CELSR1: variants seen among roughly 807,000 people sequenced by gnomAD.
CELSR1 encodes cadherin EGF LAG seven-pass G-type receptor 1.
In CELSR1, 110 loss-of-function variants were observed where a neutral mutation model predicts 249.1. The observed-to-expected ratio is 0.44, with a 90% CI of 0.38 to 0.52. The LOEUF is 0.52. CELSR1 is among the 20% of genes least tolerant of loss of function. The probability of loss-of-function intolerance (pLI) is 0.00; values close to 1 mark genes in which losing one functional copy is unlikely to be tolerated. For synonymous variants in CELSR1, 2,113 were observed against 1,900.0 expected (o/e 1.11, Z -2.92); for missense variants, 4,109 against 4,296.4 (o/e 0.96, Z 1.22).
chr22:46,384,560 C>T lies in CELSR1; in HGVS notation c.6866G>A (p.Arg2289Lys), dbSNP rs2079012180. 1.9e-6 allele frequency: 3 copies of T among 1,611,030 alleles called. No individual in the cohort carries two copies. The South Asian group carries it at 3.3e-5, about 18-fold the overall frequency. Residue 2289 changes from arginine (R) to lysine (K), a missense_variant, in exon 20 of 35, where the codon AGA becomes AAA. Transcript: ENST00000674500. ...SSVSFPADFF[R>K]PPEEKEGPLL... ...GGTTTTACCTTTTTCTTCAGGTGGTCTGAAGAAGTCGGCTGGGAAGGAGAC... is the reference window on the plus strand; with the variant it reads ...GGTTTTACCTTTTTCTTCAGGTGGTTTGAAGAAGTCGGCTGGGAAGGAGAC...
intron 2 of CELSR1, among the ~76,000 whole-genome samples, chr22:46,444,064 G>C (rs2079788140): frequency 6.6e-6 from 1 of 152,212 alleles, no homozygotes; most frequent in African/African-American, 2.4e-5. Context: ...TCTGTCCCAG[G>C]TAGTAAGAAC....
Position 46,490,459 on chromosome 22 carries a change from G to T in CELSR1, c.3545-26114C>A, listed in dbSNP as rs745646052. 3.9e-5 allele frequency among the ~76,000 whole-genome samples: 6 copies of T among 151,986 alleles called. No individual in the cohort carries two copies. Among genetic ancestry groups the T allele is most frequent in the Non-Finnish European group, 8.8e-5 (6 of 68,006 alleles). On this transcript the variant is annotated intron_variant, in intron 1 of 34. Coordinates refer to ENST00000674500, the MANE Select transcript of CELSR1 (RefSeq NM_001378328.1). The surrounding 1 kb of genome is among the most constrained non-coding windows in gnomAD (Gnocchi z 5.2). Reference sequence around the variant, plus strand: ...CCACCATCTCGTCTGGCTAATTTTTGTATTTTTAGTAGAGACGGGGTTTCA... The same window carrying T: ...CCACCATCTCGTCTGGCTAATTTTTTTATTTTTAGTAGAGACGGGGTTTCA...
chr22:46,466,872 C>T lies in CELSR1; in HGVS notation c.3545-2527G>A, dbSNP rs181737836. 4.7e-3 allele frequency among the ~76,000 whole-genome samples: 718 copies of T among 152,280 alleles called. 3 individuals are homozygous for T. The highest frequency in any genetic ancestry group is 0.027 in the Middle Eastern group (8 of 294). ...TGATGAGGTGACGAGGGTGGGGCCC[C>T]ACCAGGGGATTTGCATCCTCACAGG... On this transcript the variant is annotated intron_variant, in intron 1 of 34. Transcript: ENST00000674500.
Position 46,488,939 on chromosome 22 carries a change from G to T in CELSR1, c.3545-24594C>A, listed in dbSNP as rs1187960629. ...TTCCCAAAGTGTTGGGATTACAGGC[G>T]GAAGCCACCACGCCCAGCCCAGCCC... On this transcript the variant is annotated intron_variant, in intron 1 of 34. Transcript: ENST00000674500. The surrounding 1 kb of genome is among the most constrained non-coding windows in gnomAD (Gnocchi z 4.7). 6.6e-6 allele frequency among the ~76,000 whole-genome samples: 1 copy of T among 151,488 alleles called. No homozygotes were observed. The highest frequency in any genetic ancestry group is 2.0e-4 in the East Asian group (1 of 5,090).
chr22:46,390,872 T>A lies in CELSR1; in HGVS notation c.6250+314A>T, dbSNP rs1333888277. The stretch of plus-strand genomic sequence containing the variant: ...AGAGTGGACACAGTCAATGTCCCCA[T>A]TTCACAGAGGTAACCCGATGCTATG... On this transcript the variant is annotated intron_variant, in intron 16 of 34. Coordinates refer to ENST00000674500, the MANE Select transcript of CELSR1 (RefSeq NM_001378328.1). This position sits in a 1 kb window ranked among gnomAD's most constrained non-coding sequence, Gnocchi z 6.3. Among the ~76,000 whole-genome samples, 1 of 152,194 alleles carries A rather than the reference T, an allele frequency of 6.6e-6. No homozygotes were observed. The highest frequency in any genetic ancestry group is 1.5e-5 in the Non-Finnish European group (1 of 68,028).
intron 1 of CELSR1, among the ~76,000 whole-genome samples, chr22:46,501,820 G>A (rs769892965): frequency 3.9e-5 from 6 of 152,114 alleles, no homozygotes; most frequent in Non-Finnish European, 5.9e-5. Flanking sequence ...GAGTTCCCCC[G>A]CTGGCACAGT....
intron 5 of CELSR1, among the ~76,000 whole-genome samples, chr22:46,419,310 C>T (rs966702723): frequency 1.3e-5 from 2 of 152,186 alleles, no homozygotes; most frequent in Non-Finnish European, 2.9e-5. Flanking sequence ...GAAAGCAACA[C>T]GTTCCTTCTC....
Position 46,464,081 on chromosome 22 carries a change from A to T in CELSR1, c.3809T>A (p.Val1270Asp), listed in dbSNP as rs1458843720. 6.2e-7 allele frequency: 1 copy of T among 1,613,772 alleles called. No individual in the cohort carries two copies. Among genetic ancestry groups the T allele is most frequent in the East Asian group, 2.2e-5 (1 of 44,870 alleles). Residue 1270 changes from valine to aspartate, a missense_variant, in exon 2 of 35, where the codon GTC becomes GAC. Transcript: ENST00000674500. The surrounding 1 kb of genome is among the most constrained non-coding windows in gnomAD (Gnocchi z 8.5). ...VTFSALLPGG[V>D]RGQFFPSEDL... ...CTCCGACGGGAAGAACTGGCCGCGGACGCCGCCAGGCAGCAGCGCCGAGAA... is the reference window on the plus strand; with the variant it reads ...CTCCGACGGGAAGAACTGGCCGCGGTCGCCGCCAGGCAGCAGCGCCGAGAA...
chr22:46,394,797 T>G (rs1462630810), intron 13 of CELSR1, among the ~76,000 whole-genome samples: 1 of 152,020 alleles, frequency 6.6e-6, no homozygotes, highest in Non-Finnish European at 1.5e-5. Context: ...GCCCGTGCAC[T>G]CGGAATCCAG....
chr22:46,494,818 T>G (rs2080398275), intron 1 of CELSR1, among the ~76,000 whole-genome samples: 1 of 152,246 alleles, frequency 6.6e-6, no homozygotes. Flanking sequence ...TGAATTTCTC[T>G]GAGTAACATT....
Position 46,410,621 on chromosome 22 carries a change from T to C in CELSR1, c.4770-60A>G, listed in dbSNP as rs1569143661. ...GCGGGGAGAGGCGGCCACGGCGGGC[T>C]GGGCTCCGCAGTTGCCTCTGTGTAG... On this transcript the variant is annotated intron_variant, in intron 6 of 34. Transcript: ENST00000674500. The surrounding 1 kb of genome is among the most constrained non-coding windows in gnomAD (Gnocchi z 6.8). The C allele has an allele frequency of 5.7e-6, 9 of 1,575,576 alleles. No individual in the cohort carries two copies. Among genetic ancestry groups the C allele is most frequent in the Non-Finnish European group, 7.8e-6 (9 of 1,150,616 alleles).
At chr22:46,425,676 A>G (rs944458178) in intron 5 of CELSR1, among the ~76,000 whole-genome samples, 1 of 150,942 alleles carries the variant, frequency 6.6e-6, no homozygotes, top group African/African-American at 2.4e-5. Flanking sequence ...CAGTCACGCT[A>G]GAAGTTTTCC....
At position 46,398,561 on chromosome 22, in the gene CELSR1, T is replaced by G; in HGVS notation, c.5489A>C (p.Lys1830Thr). Residue 1830 changes from lysine to threonine, a missense_variant, in exon 11 of 35, where the codon AAG becomes ACG. This residue lies in a region of CELSR1 where 1,805 missense variants were observed against 1,831.6 expected (regional missense o/e 0.99). Coordinates refer to ENST00000674500, the MANE Select transcript of CELSR1 (RefSeq NM_001378328.1). The surrounding 1 kb of genome is among the most constrained non-coding windows in gnomAD (Gnocchi z 7.2). ...SVVVGGASEDKVSVRRGFRGC... is the reference protein window; with the variant it reads ...SVVVGGASEDTVSVRRGFRGC... ...TCGGAATCCACGGCGCACGGAGACC[T>G]TGTCTTCAGAGGCGCCTCCGACCAC... is the stretch of plus-strand genomic sequence containing the variant. 1 of 1,611,894 alleles carries G rather than the reference T, an allele frequency of 6.2e-7. No homozygotes were observed. Among genetic ancestry groups the G allele is most frequent in the Non-Finnish European group, 8.5e-7 (1 of 1,179,218 alleles).
Position 46,535,778 on chromosome 22 carries a change from C to A in CELSR1, c.1393G>T (p.Val465Leu), listed in dbSNP as rs946883875. The change falls in exon 1 of 35, where the codon GTG (valine) becomes TTG (leucine). Residue 465 changes from valine to leucine, a missense_variant. By Grantham distance (32) the Val-to-Leu change is conservative (BLOSUM62 1). Around this residue, in one of 7 missense-constraint regions of CELSR1, gnomAD observed 135 missense variants for 190.0 expected, o/e 0.71. Coordinates refer to ENST00000674500, the MANE Select transcript of CELSR1 (RefSeq NM_001378328.1). ...NYPQFSEQNY[V>L]VQVPEDVGLN... ...CCCACGTCCTCGGGCACCTGGACCACGTAGTTCTGCTCGCTGAACTGGGGG... is the reference window on the plus strand; with the variant it reads ...CCCACGTCCTCGGGCACCTGGACCAAGTAGTTCTGCTCGCTGAACTGGGGG... The A allele has an allele frequency of 2.5e-6, 4 of 1,612,396 alleles. No homozygotes were observed. The highest frequency in any genetic ancestry group is 1.3e-5 in the African/African-American group (1 of 74,944).
rs532532101 is a variant in CELSR1 at position 46,393,869 on chromosome 22, C to T, written c.5964+273G>A. Among the ~76,000 whole-genome samples, 196 of 152,100 alleles carry T rather than the reference C, an allele frequency of 1.3e-3. No homozygotes were observed. Among genetic ancestry groups the T allele is most frequent in the Non-Finnish European group, 2.1e-3 (142 of 68,018 alleles). ...CCATGGGCAGTAGGCCGGGAGGAGG[C>T]AGGGATTCCTGTTCCACGGGCGGGG... On this transcript the variant is annotated intron_variant, in intron 14 of 34. Transcript: ENST00000674500. The surrounding 1 kb of genome is among the most constrained non-coding windows in gnomAD (Gnocchi z 4.1).
At chr22:46,475,658 A>AT (rs1555926085) in intron 1 of CELSR1, among the ~76,000 whole-genome samples, 3 of 75,126 alleles carry the variant, frequency 4.0e-5, no homozygotes, top group Non-Finnish European at 3.2e-5. Flanking sequence ...AAAGAAACGA[A>AT]TGGGGGGGGA....
intron 1 of CELSR1, among the ~76,000 whole-genome samples, chr22:46,523,319 A>G (rs2147797120): frequency 6.6e-6 from 1 of 152,306 alleles, no homozygotes; most frequent in South Asian, 2.1e-4. Flanking sequence ...AGCTGAGGTC[A>G]GGAGCTCGAG....
chr22:46,377,465 C>A (rs2147205744), intron 23 of CELSR1: 1 of 611,340 alleles, frequency 1.6e-6, no homozygotes. Flanking sequence ...GGGCCCTGGG[C>A]ATCCCTGGGG....
In CELSR1 at chr22:46,506,263, A is replaced by G. The variant is rs575531557; in HGVS notation, c.3544+27364T>C. On this transcript the variant is annotated intron_variant, in intron 1 of 34. Transcript: ENST00000674500. The surrounding 1 kb of genome is among the most constrained non-coding windows in gnomAD (Gnocchi z 4.1). ...ATTGCTGGGTTCTGGATGGACATGC[A>G]GAGCACCCGCCATGATCCCTCCAAG... Among the ~76,000 whole-genome samples the G allele has an allele frequency of 6.6e-6, 1 of 152,116 alleles. No individual in the cohort carries two copies. Among genetic ancestry groups the G allele is most frequent in the East Asian group, 1.9e-4 (1 of 5,176 alleles).
Sources: gnomAD v4.1 joint callset for allele counts (sites outside exome capture counted in the v4.1 genomes callset) on GRCh38, gnomAD v4.1.1 for gene constraint, gnomAD v4.1.1 regional missense constraint, Gnocchi (gnomAD v3.1) non-coding constraint, MANE v1.5 for transcripts, NCBI Gene and HGNC (gene_info 2026-07-23, HGNC 2026-07-21) for gene names.